The following LATS1 variants were observed in gnomAD, a reference collection of about 807,000 sequenced individuals.
LATS1 encodes the protein serine/threonine-protein kinase LATS1.
Under a neutral mutation model 106.6 loss-of-function variants are expected in LATS1, and 25 were observed. That is an observed-to-expected ratio of 0.23 (90% CI 0.17 to 0.33). LATS1 has a LOEUF of 0.33. LATS1 is among the 10% of genes least tolerant of loss of function. The pLI, the probability that LATS1 is intolerant of heterozygous loss-of-function variation, is 1.00. For synonymous variants in LATS1, 465 were observed against 455.6 expected, an observed-to-expected ratio of 1.02 and a Z score of -0.26; for missense variants, 1,040 against 1,382.6, an observed-to-expected ratio of 0.75 and a Z score of 3.93.
chr6:149,693,680 G>T (rs1238196671), intron 3 of LATS1, among the ~76,000 whole-genome samples: 2 of 152,000 alleles, frequency 1.3e-5, no homozygotes, highest in Non-Finnish European at 2.9e-5. Flanking sequence ...AGTGATCAAA[G>T]AAATGCAAAT....
intron 3 of LATS1, among the ~76,000 whole-genome samples, chr6:149,685,837 T>C (rs949010605): frequency 7.3e-5 from 11 of 150,636 alleles, no homozygotes; most frequent in African/African-American, 2.7e-4. Flanking sequence ...AAAAGAGAAG[T>C]ATTTAAAATA....
At chr6:149,704,649 G>A (rs890640218) in intron 1 of LATS1, among the ~76,000 whole-genome samples, 1 of 151,508 alleles carries the variant, frequency 6.6e-6, no homozygotes, top group Non-Finnish European at 1.5e-5. Context: ...GTCCAGCTAA[G>A]TTGTTAATTT....
intron 1 of LATS1, among the ~76,000 whole-genome samples, chr6:149,713,142 T>A (rs1053929592): frequency 1.5e-4 from 23 of 152,170 alleles, no homozygotes; most frequent in African/African-American, 5.3e-4. Context: ...GGTGGCCGAG[T>A]ATGATAATGA....
rs1265764994 is a variant in LATS1 at position 149,683,747 on chromosome 6, C to T, written c.1342G>A (p.Gly448Arg). ...SAPAQSSPSS[G>R]HEIPTWQPNI... The stretch of plus-strand genomic sequence containing the variant: ...GGTTGCCATGTAGGGATTTCATGCC[C>T]ACTGCTCGGGGATGACTGGGCTGGA... The change falls in exon 4 of 8, where the codon GGG becomes AGG. Residue 448 changes from glycine (G) to arginine (R), a missense_variant. By Grantham distance (125) the Gly-to-Arg change is moderately radical. Around this residue, in one of 7 missense-constraint regions of LATS1, gnomAD observed 624 missense variants for 714.8 expected, o/e 0.87. Transcript: ENST00000543571. The T allele has an allele frequency of 6.2e-7, 1 of 1,613,800 alleles. No homozygotes were observed. Among genetic ancestry groups the T allele is most frequent in the African/African-American group, 1.3e-5 (1 of 74,902 alleles).
At chr6:149,708,172 G>T (rs112866495) in intron 1 of LATS1, among the ~76,000 whole-genome samples, 4,645 of 152,174 alleles carry the variant, frequency 0.031, 254 homozygotes, top group African/African-American at 0.1. Flanking sequence ...GGAAATAACA[G>T]AAGCATTACA....
chr6:149,676,881 T>C (rs938827041), intron 5 of LATS1, 144 bp from the exon 6 acceptor site: 1 of 685,838 alleles, frequency 1.5e-6, no homozygotes, highest in African/African-American at 1.8e-5. Flanking sequence ...AAATCACTGA[T>C]GGTGTTTATT....
In LATS1 at chr6:149,684,515, G is replaced by A. The variant is rs772322454; in HGVS notation, c.574C>T (p.Pro192Ser). ...TAGGCCACACTTTCTCCTAGTGGCG[G>A]GCCATGCCTCTGAGGAACTAAGGAT... ...KESLVPQRHG[P>S]PLGESVAYHS... is the part of the protein sequence containing the mutation. The change falls in exon 4 of 8, where the codon CCG becomes TCG. Residue 192 changes from proline to serine, a missense_variant. Transcript: ENST00000543571. The A allele has an allele frequency of 1.2e-6, 2 of 1,613,938 alleles. No individual in the cohort carries two copies. Among genetic ancestry groups the A allele is most frequent in the Admixed American group, 1.7e-5 (1 of 59,982 alleles).
intron 2 of LATS1, among the ~76,000 whole-genome samples, chr6:149,700,699 T>G (rs1431762360): frequency 6.6e-6 from 1 of 151,936 alleles, no homozygotes. Flanking sequence ...AATTTTCAGT[T>G]TCTTCTTTAC....
At chr6:149,705,100 G>T (rs1422046480) in intron 1 of LATS1, among the ~76,000 whole-genome samples, 1 of 150,806 alleles carries the variant, frequency 6.6e-6, no homozygotes, top group Non-Finnish European at 1.5e-5. Flanking sequence ...AAAAAAAAAA[G>T]ATGAACTTTT....
At chr6:149,710,128 C>T (rs985828084) in intron 1 of LATS1, among the ~76,000 whole-genome samples, 2 of 152,158 alleles carry the variant, frequency 1.3e-5, no homozygotes, top group African/African-American at 2.4e-5. Flanking sequence ...CTGGACCTAA[C>T]CAATGTACAT....
intron 7 of LATS1, among the ~76,000 whole-genome samples, chr6:149,674,580 C>A (rs987553702): frequency 1.5e-4 from 23 of 149,964 alleles, no homozygotes; most frequent in Admixed American, 1.5e-3. Context: ...CACCATGTTG[C>A]CCAGGCTGGT....
At position 149,666,568 on chromosome 6, in the gene LATS1, G is replaced by A. The variant is rs1227146748; in HGVS notation, c.2884-4330C>T. ...GGGAGGCGGTGGCGGAGGCTGCAGT[G>A]AGCCGAGATAGTGCCACTGCACCCC... On this transcript the variant is annotated intron_variant, in intron 7 of 7. Coordinates refer to ENST00000543571, the MANE Select transcript of LATS1 (RefSeq NM_004690.4). Among the ~76,000 whole-genome samples the A allele has an allele frequency of 2.0e-5, 3 of 151,564 alleles. No homozygotes were observed. The East Asian group carries it at 5.8e-4, about 29-fold the overall frequency.
intron 2 of LATS1, chr6:149,697,162 A>G: frequency 3.7e-6 from 5 of 1,342,744 alleles, no homozygotes; most frequent in Non-Finnish European, 4.9e-6. Flanking sequence ...CTAATGGGTG[A>G]ACAGGCTACT....
intron 2 of LATS1, among the ~76,000 whole-genome samples, chr6:149,700,302 C>T (rs983347349): frequency 4.6e-5 from 7 of 151,884 alleles, no homozygotes; most frequent in Non-Finnish European, 7.4e-5. Context: ...GGTGAAACCC[C>T]ATCTCTACTA....
At chr6:149,676,470 T>C in intron 6 of LATS1, 85 bp downstream of exon 6, 1 of 1,400,964 alleles carries the variant, frequency 7.1e-7, no homozygotes, top group South Asian at 1.3e-5. Context: ...ACTTTTATTA[T>C]AAGCCTGAAA....
intron 7 of LATS1, among the ~76,000 whole-genome samples, chr6:149,672,326 C>T (rs1196417787): frequency 1.3e-5 from 2 of 151,762 alleles, no homozygotes; most frequent in African/African-American, 4.9e-5. Flanking sequence ...TCTCCTCCCT[C>T]AGCCTCCTGA....
chr6:149,690,063 A>G (rs1209375839), intron 3 of LATS1, among the ~76,000 whole-genome samples: 1 of 152,086 alleles, frequency 6.6e-6, no homozygotes, highest in Non-Finnish European at 1.5e-5. Context: ...CTGACATAAG[A>G]TATATTACAA....
chr6:149,711,819 TAGG>T (rs903510868), intron 1 of LATS1, among the ~76,000 whole-genome samples: 8 of 152,202 alleles, frequency 5.3e-5, no homozygotes, highest in African/African-American at 1.9e-4. Context: ...AGAATCTGCC[TAGG>T]AGATTTCAGA....
At chr6:149,692,037 CTG>C (rs61626169) in intron 3 of LATS1, among the ~76,000 whole-genome samples, 1,798 of 152,266 alleles carry the variant, frequency 0.012, 39 homozygotes, top group African/African-American at 0.041. Flanking sequence ...TCACAAACTA[CTG>C]TGTTTCCTAT....
Sources: gnomAD v4.1 joint callset for allele counts (sites outside exome capture counted in the v4.1 genomes callset) on GRCh38, gnomAD v4.1.1 for gene constraint, gnomAD v4.1.1 regional missense constraint, MANE v1.5 for transcripts, NCBI Gene and HGNC (gene_info 2026-07-23, HGNC 2026-07-21) for gene names.